The following RANBP2 variants were observed in gnomAD, a reference collection of about 807,000 sequenced individuals.
RANBP2 encodes RAN binding protein 2.
In RANBP2, 57 loss-of-function variants were observed where a neutral mutation model predicts 303.6. That is an observed-to-expected ratio of 0.19 (90% CI 0.15 to 0.23). The LOEUF is 0.23. Ranked by LOEUF, RANBP2 falls within the 10% of genes least tolerant of loss-of-function variation. RANBP2 has a pLI of 1.00. For synonymous variants in RANBP2, 1,167 were observed against 1,301.5 expected, an observed-to-expected ratio of 0.90 and a Z score of 2.23; for missense variants, 3,138 against 3,780.8, an observed-to-expected ratio of 0.83 and a Z score of 4.46.
At chr2:109,254,937 T>C in the RANBP2 span, among the ~76,000 whole-genome samples, 3 of 152,098 alleles carry the variant, frequency 2.0e-5, no homozygotes, top group African/African-American at 7.2e-5. Flanking sequence ...GCTAGAAAAA[T>C]GCTCTGGAAG....
intron 6 of RANBP2, among the ~76,000 whole-genome samples, chr2:108,737,298 T>A (rs1163884069): frequency 6.6e-6 from 1 of 151,714 alleles, no homozygotes; most frequent in African/African-American, 2.4e-5. Flanking sequence ...ACATCGAAGA[T>A]CTTTGTATGT....
chr2:109,133,672 G>A, the RANBP2 span, among the ~76,000 whole-genome samples: 1 of 148,508 alleles, frequency 6.7e-6, no homozygotes, highest in Non-Finnish European at 1.5e-5. Context: ...TGACCATTTT[G>A]TTAGTGTTTG....
chr2:109,325,969 G>A, the RANBP2 span, among the ~76,000 whole-genome samples: 3 of 152,164 alleles, frequency 2.0e-5, no homozygotes, highest in Admixed American at 6.5e-5. Flanking sequence ...GAACCGTAAC[G>A]TATATGTCAT....
At chr2:108,722,389 CAG>C (rs925568725) in intron 1 of RANBP2, among the ~76,000 whole-genome samples, 5 of 151,816 alleles carry the variant, frequency 3.3e-5, no homozygotes, top group Non-Finnish European at 5.9e-5. Flanking sequence ...AATGACAAAA[CAG>C]GGTGCTTTGG....
At chr2:109,526,912 C>T in the RANBP2 span, among the ~76,000 whole-genome samples, 68 of 152,184 alleles carry the variant, frequency 4.5e-4, no homozygotes, top group African/African-American at 1.6e-3. Flanking sequence ...AGCACATGTT[C>T]GACTCTAGCA....
chr2:108,841,696 T>G, the RANBP2 span, among the ~76,000 whole-genome samples: 1 of 152,186 alleles, frequency 6.6e-6, no homozygotes, highest in Non-Finnish European at 1.5e-5. Context: ...TTTGTCAAGC[T>G]CTGTTTTAAT....
chr2:108,865,133 T>A, the RANBP2 span, among the ~76,000 whole-genome samples: 1 of 152,048 alleles, frequency 6.6e-6, no homozygotes, highest in African/African-American at 2.4e-5. Flanking sequence ...CTACTAAGTT[T>A]TATATATATT....
the RANBP2 span, among the ~76,000 whole-genome samples, chr2:108,833,828 C>T: frequency 1.4e-5 from 2 of 147,850 alleles, no homozygotes; most frequent in South Asian, 2.2e-4. Flanking sequence ...CCAAGGTTCA[C>T]GCCATTCTCC....
chr2:109,488,086 G>A, the RANBP2 span, among the ~76,000 whole-genome samples: 16 of 152,266 alleles, frequency 1.1e-4, no homozygotes, highest in African/African-American at 3.1e-4. Flanking sequence ...GGGGAGGAGC[G>A]GCCAGCAGCC....
chr2:109,520,598 CAAAA>C, the RANBP2 span, among the ~76,000 whole-genome samples: 1 of 50,108 alleles, frequency 2.0e-5, no homozygotes, highest in Non-Finnish European at 4.0e-5. Flanking sequence ...GACTCCATCT[CAAAA>C]AAAAAAAAAA....
the RANBP2 span, among the ~76,000 whole-genome samples, chr2:109,455,516 A>T: frequency 8.6e-5 from 9 of 104,730 alleles, no homozygotes; most frequent in Non-Finnish European, 4.3e-5. Context: ...TATATCTCAT[A>T]TATGTGTGTT....
chr2:108,768,384 A>G lies in RANBP2; in HGVS notation c.7845A>G (p.Glu2615=), dbSNP rs1314439120. 7 of 1,611,222 alleles carry G rather than the reference A, an allele frequency of 4.3e-6. No homozygotes were observed. The African/African-American group carries it at 6.7e-5, about 15-fold the overall frequency. ...TCAACTACACATTTAAAACACCAGA[A>G]AAGGGTAAGTACTTTGTTGTTAAAG... The part of the protein sequence containing the change: ...SSINYTFKTP[E]KAKEKKKPED... Residue 2615 remains glutamate (E), a synonymous_variant, in exon 20 of 29, where the codon GAA becomes GAG. Transcript: ENST00000283195.
At chr2:109,477,159 C>T in the RANBP2 span, among the ~76,000 whole-genome samples, 7 of 152,184 alleles carry the variant, frequency 4.6e-5, no homozygotes, top group Non-Finnish European at 8.8e-5. Context: ...GACAATTGGC[C>T]TGAATGACCG....
chr2:108,730,641 A>G (rs1695092389), intron 2 of RANBP2, 133 bp from the exon 3 acceptor site: 2 of 1,271,486 alleles, frequency 1.6e-6, no homozygotes, highest in South Asian at 1.3e-5. Flanking sequence ...AGTTATCTGT[A>G]TGAATAGCGG....
the RANBP2 span, among the ~76,000 whole-genome samples, chr2:109,252,124 G>A: frequency 1.3e-5 from 2 of 151,960 alleles, no homozygotes; most frequent in Non-Finnish European, 2.9e-5. Flanking sequence ...CAGGCCTATA[G>A]TCTCAGCTAC....
chr2:108,833,120 G>A, the RANBP2 span, among the ~76,000 whole-genome samples: 1 of 152,208 alleles, frequency 6.6e-6, no homozygotes, highest in Non-Finnish European at 1.5e-5. Flanking sequence ...AGAAAGAGGA[G>A]CAGAGCACAG....
chr2:109,315,016 A>G, the RANBP2 span, among the ~76,000 whole-genome samples: 1 of 152,198 alleles, frequency 6.6e-6, no homozygotes, highest in Non-Finnish European at 1.5e-5. Flanking sequence ...TAAGGTAGCC[A>G]CCGACCACAC....
At chr2:108,936,100 C>A in the RANBP2 span, among the ~76,000 whole-genome samples, 2 of 152,360 alleles carry the variant, frequency 1.3e-5, no homozygotes, top group Admixed American at 1.3e-4. Flanking sequence ...TCCGGGACTT[C>A]CCATTCTTCC....
At chr2:109,154,370 G>A in the RANBP2 span, among the ~76,000 whole-genome samples, 1 of 152,210 alleles carries the variant, frequency 6.6e-6, no homozygotes, top group East Asian at 1.9e-4. Context: ...CTTCTGGGTA[G>A]GGAGTACAGA....
Sources: allele counts gnomAD v4.1 joint callset (sites outside exome capture counted in the v4.1 genomes callset), GRCh38; gene constraint gnomAD v4.1.1; transcripts MANE v1.5; gene names NCBI Gene and HGNC (gene_info 2026-07-23, HGNC 2026-07-21).